The following MKI67 variants were observed in gnomAD, a reference collection of about 807,000 sequenced individuals.
The protein encoded by MKI67 is proliferation marker protein Ki-67.
Under a neutral mutation model 233.5 loss-of-function variants are expected in MKI67, and 152 were observed. That is an observed-to-expected ratio of 0.65 (90% CI 0.57 to 0.74). MKI67 has a LOEUF of 0.74. Ranked by LOEUF, MKI67 falls within the 30% of genes least tolerant of loss-of-function variation. The pLI, the probability that MKI67 is intolerant of heterozygous loss-of-function variation, is 0.00. For missense variants in MKI67, 3,940 were observed against 3,885.2 expected (o/e 1.01, Z -0.37); for synonymous variants, 1,465 against 1,418.5 (o/e 1.03, Z -0.74).
intron 4 of MKI67, among the ~76,000 whole-genome samples, chr10:128,122,292 T>A (rs1852964868): frequency 6.6e-6 from 1 of 152,134 alleles, no homozygotes. Context: ...CTCATGGGCT[T>A]TCCTCTGTGC....
rs769065710 is a variant in MKI67, at chr10:128,108,783, T to C, written c.3057A>G (p.Thr1019=). Residue 1019 remains threonine, a synonymous_variant, in exon 13 of 15, where the codon ACA becomes ACG. Transcript: ENST00000368654. ...ATGCCTTCAACTGTTGTTTTGTGTG[T>C]GTTGGGGTGTTTATTGGTTCTGGTT... ...SLQPEPINTP[T]HTKQQLKASL... The C allele has an allele frequency of 4.3e-6, 7 of 1,614,090 alleles. No homozygotes were observed. The highest frequency in any genetic ancestry group is 5.9e-6 in the Non-Finnish European group (7 of 1,180,046).
At chr10:128,121,763 G>A (rs1034353741) in intron 4 of MKI67, among the ~76,000 whole-genome samples, 1 of 151,182 alleles carries the variant, frequency 6.6e-6, no homozygotes, top group African/African-American at 2.4e-5. Flanking sequence ...AATGAATTCT[G>A]TATAGTTATG....
At position 128,109,260 on chromosome 10, in the gene MKI67, A is replaced by G. The variant is rs767998689; in HGVS notation, c.2580T>C (p.Asp860=). ...KMTSLETKTS[D]TETEPSKTVS... ...CTGTTTTTGAAGGCTCTGTCTCAGTATCTGAAGTTTTTGTCTCCAGAGAAG... is the reference window on the plus strand; with the variant it reads ...CTGTTTTTGAAGGCTCTGTCTCAGTGTCTGAAGTTTTTGTCTCCAGAGAAG... The change falls in exon 13 of 15, where the codon GAT becomes GAC. Residue 860 remains aspartate (D), a synonymous_variant. Coordinates refer to ENST00000368654, the MANE Select transcript of MKI67 (RefSeq NM_002417.5). 2.0e-5 allele frequency: 32 copies of G among 1,614,022 alleles called. No homozygotes were observed. The South Asian group carries it at 2.2e-4, about 11-fold the overall frequency.
intron 5 of MKI67, 32 bp downstream of exon 5, chr10:128,119,221 G>A (rs1486774523): frequency 5.4e-6 from 8 of 1,488,054 alleles, no homozygotes; most frequent in African/African-American, 2.8e-5. Flanking sequence ...TCATCGAAAC[G>A]AATCAGCCCA....
rs377439078 is a variant in MKI67 at position 128,119,297 on chromosome 10, T to G, written c.310A>C (p.Asn104His). The G allele has an allele frequency of 1.9e-5, 31 of 1,606,144 alleles. No individual in the cohort carries two copies. Among genetic ancestry groups the G allele is most frequent in the Non-Finnish European group, 2.5e-5 (29 of 1,173,214 alleles). The change falls in exon 5 of 15, where the codon AAT becomes CAT. Residue 104 changes from asparagine (N) to histidine (H), a missense_variant. Transcript: ENST00000368654. ...GGAAATTCAGTTGACTTCCTTCCAT[T>G]CTGAAGACTTTCATTTTCATACCTG... ...SFRYENESLQ[N>H]GRKSTEFPRK...
rs1272817343 is a variant in MKI67, at chr10:128,107,899, C to G, written c.3941G>C (p.Gly1314Ala). ...CAGGTCCAGTTTCTGCACTGGAGTT[C>G]CCACAAATATGATGATGTCTTTCTC... Reference protein sequence around the residue: ...GEEKDIIIFVGTPVQKLDLTE... With the variant: ...GEEKDIIIFVATPVQKLDLTE... The change falls in exon 13 of 15, where the codon GGA becomes GCA. Residue 1314 changes from glycine (G) to alanine (A), a missense_variant. Gly to Ala is a moderately conservative substitution (Grantham distance 60). Transcript: ENST00000368654. 2 of 1,613,320 alleles carry G rather than the reference C, an allele frequency of 1.2e-6. No homozygotes were observed. The highest frequency in any genetic ancestry group is 2.2e-5 in the South Asian group (2 of 91,038).
rs267602414 is a variant in MKI67 at position 128,102,949 on chromosome 10, C to T, written c.8891G>A (p.Arg2964Gln). The change falls in exon 13 of 15, where the codon CGG (arginine) becomes CAG (glutamine). Residue 2964 changes from arginine (R) to glutamine (Q), a missense_variant. Transcript: ENST00000368654. Reference sequence around the variant, plus strand: ...TCCCACGGGTTCTACTTTAGGGGCCCGAAGAACTCTTCTGGATATTTTTAG... The same window carrying T: ...TCCCACGGGTTCTACTTTAGGGGCCTGAAGAACTCTTCTGGATATTTTTAG... ...KPLKISRRVL[R>Q]APKVEPVGDV... 19 of 1,614,008 alleles carry T rather than the reference C, an allele frequency of 1.2e-5. No homozygotes were observed. Among genetic ancestry groups the T allele is most frequent in the South Asian group, 4.4e-5 (4 of 91,082 alleles).
Position 128,125,522 on chromosome 10 carries a change from A to T in MKI67, c.92+54T>A. 1 of 1,400,976 alleles carries T rather than the reference A, an allele frequency of 7.1e-7. No homozygotes were observed. Among genetic ancestry groups the T allele is most frequent in the Non-Finnish European group, 1.0e-6 (1 of 988,580 alleles). The allele number at this position is 1,400,976 out of a possible 1,614,324, so 86.8% of individuals were successfully genotyped here. The stretch of plus-strand genomic sequence containing the variant: ...CGTTTCTGGACTTTATTCTGTGACT[A>T]AGGTATTTTCCTCTTTCTCAGCTAA... On this transcript the variant is annotated intron_variant, in intron 2 of 14. Transcript: ENST00000368654. The surrounding 1 kb of genome is among the most constrained non-coding windows in gnomAD (Gnocchi z 5.3).
chr10:128,111,739 A>G lies in MKI67; in HGVS notation c.2166T>C (p.Ala722=). 6.2e-7 allele frequency: 1 copy of G among 1,614,186 alleles called. No individual in the cohort carries two copies. Among genetic ancestry groups the G allele is most frequent in the East Asian group, 2.2e-5 (1 of 44,884 alleles). ...NSPCTIIIGK[A]HTEKVHVPAR... ...CAGGCACATGTACTTTTTCAGTATG[A>G]GCTTTCCCTATTATTATGGTACAAG... The change falls in exon 11 of 15, where the codon GCT becomes GCC. Residue 722 remains alanine, a synonymous_variant. Transcript: ENST00000368654.
At position 128,108,973 on chromosome 10, in the gene MKI67, T is replaced by C; in HGVS notation, c.2867A>G (p.Gln956Arg). 1 of 1,614,244 alleles carries C rather than the reference T, an allele frequency of 6.2e-7. No individual in the cohort carries two copies. The highest frequency in any genetic ancestry group is 1.1e-5 in the South Asian group (1 of 91,084). The stretch of plus-strand genomic sequence containing the variant: ...CAGGTCAGACATTGGTGCACATTTC[T>C]GCCCCCAAGTTCTTGATCTCTTCAT... ...KAMKRSRTWGQKCAPMSDLTD... is the reference protein window; with the variant it reads ...KAMKRSRTWGRKCAPMSDLTD... The change falls in exon 13 of 15, where the codon CAG becomes CGG. Residue 956 changes from glutamine to arginine, a missense_variant. Physicochemically the swap from Gln to Arg is conservative, Grantham distance 43 (BLOSUM62 1). Transcript: ENST00000368654.
Position 128,125,782 on chromosome 10 carries a change from G to A in MKI67, c.-89-26C>T, listed in dbSNP as rs1853043033. The A allele has an allele frequency of 1.2e-6, 1 of 864,578 alleles. No homozygotes were observed. The highest frequency in any genetic ancestry group is 1.9e-5 in the Admixed American group (1 of 51,584). 53.6% of individuals were successfully genotyped at this position (864,578 alleles called of 1,614,324 possible). A position where few individuals can be genotyped will look rare whatever the true frequency, so the allele number is the denominator to read the frequency against. ...CTGCAAAAGAGGTGCGAGTTACTCTGATAGCAAAGGAGCTAAGAAGGGCCC... is the reference window on the plus strand; with the variant it reads ...CTGCAAAAGAGGTGCGAGTTACTCTAATAGCAAAGGAGCTAAGAAGGGCCC... On this transcript the variant is annotated intron_variant, in intron 1 of 14. Transcript: ENST00000368654. This position sits in a 1 kb window ranked among gnomAD's most constrained non-coding sequence, Gnocchi z 5.3.
At position 128,109,089 on chromosome 10, in the gene MKI67, C is replaced by T. The variant is rs778103091; in HGVS notation, c.2751G>A (p.Arg917=). 9.9e-6 allele frequency: 16 copies of T among 1,614,194 alleles called. 1 individual carries two copies. The South Asian group carries it at 1.8e-4, about 18-fold the overall frequency. ...RGQKATLLQQ[R]REGEMKEIER... ...CTATTTCCTTCATCTCTCCTTCTCTCCTTTGTTGTAGTAGTGTTGCCTTCT... is the reference window on the plus strand; with the variant it reads ...CTATTTCCTTCATCTCTCCTTCTCTTCTTTGTTGTAGTAGTGTTGCCTTCT... Residue 917 remains arginine, a synonymous_variant, in exon 13 of 15, where the codon AGG becomes AGA. Coordinates refer to ENST00000368654, the MANE Select transcript of MKI67 (RefSeq NM_002417.5).
chr10:128,113,468 G>A lies in MKI67; in HGVS notation c.1615C>T (p.Leu539=), dbSNP rs778145449. ...AGGACAGGTGGAGTGTGCATTACCA[G>A]AGACTTTCTTTTGGTTGGGGCTTCT... is the stretch of plus-strand genomic sequence containing the variant. ...RGEAPTKRKS[L]VMHTPPVLKK... is the part of the protein sequence containing the mutation. Residue 539 remains leucine, a synonymous_variant, in exon 8 of 15, where the codon CTG becomes TTG. Coordinates refer to ENST00000368654, the MANE Select transcript of MKI67 (RefSeq NM_002417.5). 4.0e-5 allele frequency: 64 copies of A among 1,614,088 alleles called. No individual in the cohort carries two copies. Among genetic ancestry groups the A allele is most frequent in the Non-Finnish European group, 5.0e-5 (59 of 1,180,042 alleles).
intron 13 of MKI67, among the ~76,000 whole-genome samples, 184 bp downstream of exon 13, chr10:128,102,395 T>C (rs764765230): frequency 2.0e-5 from 3 of 152,242 alleles, no homozygotes; most frequent in Non-Finnish European, 2.9e-5. Flanking sequence ...TTTTCCCATA[T>C]TAGTCTATTC....
chr10:128,121,683 A>T (rs1224263379), intron 4 of MKI67, among the ~76,000 whole-genome samples: 4 of 150,316 alleles, frequency 2.7e-5, no homozygotes, highest in African/African-American at 9.8e-5. Flanking sequence ...ATAATTAGCC[A>T]TATCTGCTCA....
chr10:128,110,019 C>A (rs1212869102), intron 12 of MKI67, among the ~76,000 whole-genome samples: 1 of 152,144 alleles, frequency 6.6e-6, no homozygotes, highest in African/African-American at 2.4e-5. Flanking sequence ...AAACTGTTAT[C>A]TTTCTGTTTT....
At chr10:128,124,783 A>T (rs1853020215) in intron 2 of MKI67, among the ~76,000 whole-genome samples, 1 of 152,204 alleles carries the variant, frequency 6.6e-6, no homozygotes, top group Non-Finnish European at 1.5e-5. Context: ...GATGGAAATC[A>T]CACAAGCTTG....
rs928397514 is a variant in MKI67, at chr10:128,123,189, G to A, written c.93-20C>T. 2.5e-6 allele frequency: 4 copies of A among 1,573,846 alleles called. No individual in the cohort carries two copies. The East Asian group carries it at 9.0e-5, about 35-fold the overall frequency. The stretch of plus-strand genomic sequence containing the variant: ...ATACCCCTTCATGCAAAAGAAGAAG[G>A]TTTTTTTGGTTGCTGCAACTTTTTA... On this transcript the variant is annotated intron_variant, in intron 2 of 14. Coordinates refer to ENST00000368654, the MANE Select transcript of MKI67 (RefSeq NM_002417.5).
chr10:128,099,730 C>A (rs1192158316), intron 14 of MKI67, among the ~76,000 whole-genome samples: 6 of 152,156 alleles, frequency 3.9e-5, no homozygotes, highest in African/African-American at 1.4e-4. Flanking sequence ...GGGAGAGGAA[C>A]CATGGTGAAA....
Sources: gnomAD v4.1 joint callset for allele counts (sites outside exome capture counted in the v4.1 genomes callset) on GRCh38, gnomAD v4.1.1 for gene constraint, Gnocchi (gnomAD v3.1) non-coding constraint, MANE v1.5 for transcripts, NCBI Gene and HGNC (gene_info 2026-07-23, HGNC 2026-07-21) for gene names.